The following TRIM36 variants were observed in gnomAD, a reference collection of about 807,000 sequenced individuals.
The protein encoded by TRIM36 is tripartite motif containing 36.
Under a neutral mutation model 72.4 loss-of-function variants are expected in TRIM36, and 42 were observed. The observed-to-expected ratio is 0.58, with a 90% CI of 0.45 to 0.75. The LOEUF is 0.75. Ranked by LOEUF, TRIM36 falls within the 30% of genes least tolerant of loss-of-function variation. The probability of loss-of-function intolerance (pLI) is 0.00; values close to 1 mark genes in which losing one functional copy is unlikely to be tolerated. For missense variants in TRIM36, 913 were observed against 857.1 expected (o/e 1.07, Z -0.81); for synonymous variants, 315 against 282.8 (o/e 1.11, Z -1.14).
In TRIM36 at chr5:115,165,708, G is replaced by T. The variant is rs538548315; in HGVS notation, c.28-1956C>A. 3.3e-5 allele frequency among the ~76,000 whole-genome samples: 5 copies of T among 152,134 alleles called. No homozygotes were observed. The South Asian group carries it at 1.0e-3, about 32-fold the overall frequency. ...ACAGGCAGGAGCCCTTCTCCCTTCC[G>T]AGTTGGTGCGGAGGGAGCCCCATGC... On this transcript the variant is annotated intron_variant, in intron 1 of 9. Coordinates refer to ENST00000513154, the MANE Select transcript of TRIM36 (RefSeq NM_001300759.2).
intron 2 of TRIM36, among the ~76,000 whole-genome samples, chr5:115,159,246 C>T (rs988995403): frequency 6.6e-6 from 1 of 152,028 alleles, no homozygotes; most frequent in African/African-American, 2.4e-5. Flanking sequence ...TAATCAATAC[C>T]TTTAATCAAA....
In TRIM36 at chr5:115,177,355, A is replaced by G. The variant is rs140283127; in HGVS notation, c.63+2620T>C. ...GGGAAAAGTGAGAGAAATTAAGAGGATGGTTAACTCAGTGGTCTCAACTTT... is the reference window on the plus strand; with the variant it reads ...GGGAAAAGTGAGAGAAATTAAGAGGGTGGTTAACTCAGTGGTCTCAACTTT... On this transcript the variant is annotated intron_variant, in intron 1 of 9. Coordinates refer to the TRIM36 transcript ENST00000282369. 64 of 207,990 alleles carry G rather than the reference A, an allele frequency of 3.1e-4. 1 individual carries two copies. In the East Asian group the frequency reaches 7.6e-3, roughly 25 times the overall value. 12.9% of individuals were successfully genotyped at this position (207,990 alleles called of 1,614,324 possible). A position where few individuals can be genotyped will look rare whatever the true frequency, so the allele number is the denominator to read the frequency against.
At chr5:115,155,451 A>G (rs1017486754) in intron 2 of TRIM36, among the ~76,000 whole-genome samples, 4 of 152,242 alleles carry the variant, frequency 2.6e-5, no homozygotes, top group Non-Finnish European at 4.4e-5. Flanking sequence ...CAACATATCA[A>G]AAAGATAATC....
In TRIM36 at chr5:115,163,596, C is replaced by G. The variant is rs1196502562; in HGVS notation, c.184G>C (p.Asp62His). Reference protein sequence around the residue: ...LDDSFNDVGSDNSNQSSPRLR... With the variant: ...LDDSFNDVGSHNSNQSSPRLR... The stretch of plus-strand genomic sequence containing the variant: ...CGAGGACTGCTTTGATTGGAGTTGT[C>G]TGATCCCACATCGTTGAATGAATCA... Residue 62 changes from aspartate (D) to histidine (H), a missense_variant, in exon 2 of 10, where the codon GAC (aspartate) becomes CAC (histidine). Transcript: ENST00000513154. The G allele has an allele frequency of 1.2e-6, 2 of 1,614,144 alleles. No individual in the cohort carries two copies. Among genetic ancestry groups the G allele is most frequent in the Non-Finnish European group, 8.5e-7 (1 of 1,180,030 alleles).
Position 115,177,267 on chromosome 5 carries a change from G to T in TRIM36, c.63+2708C>A, listed in dbSNP as rs141694819. On this transcript the variant is annotated intron_variant, in intron 1 of 9. Coordinates refer to the TRIM36 transcript ENST00000282369. The stretch of plus-strand genomic sequence containing the variant: ...GGTATTAAGTTTGTAAAAATGTAAA[G>T]CTATGTATTTTTAATTATGTACAGA... 574 of 155,620 alleles carry T rather than the reference G, an allele frequency of 3.7e-3. 3 individuals carry two copies. The highest frequency in any genetic ancestry group is 0.012 in the African/African-American group (519 of 41,608). 9.6% of individuals were successfully genotyped at this position (155,620 alleles called of 1,614,324 possible).
chr5:115,143,919 G>A (rs546067083), intron 4 of TRIM36, among the ~76,000 whole-genome samples: 40 of 152,164 alleles, frequency 2.6e-4, no homozygotes, highest in South Asian at 6.2e-4. Flanking sequence ...CACCCAGGCT[G>A]GAGTGCAGTG....
At chr5:115,144,834 TC>T (rs1753491676) in intron 3 of TRIM36, 90 bp from the exon 4 acceptor site, 1 of 1,412,204 alleles carries the variant, frequency 7.1e-7, no homozygotes, top group African/African-American at 1.5e-5. Context: ...CCTTATAAAA[TC>T]ACTAAATAAA....
At chr5:115,168,149 G>A (rs549468166) in intron 1 of TRIM36, among the ~76,000 whole-genome samples, 13 of 152,204 alleles carry the variant, frequency 8.5e-5, no homozygotes, top group Admixed American at 5.2e-4. Context: ...ATGAGATTTG[G>A]GTGTGGACAC....
chr5:115,156,346 G>A (rs994045690), intron 2 of TRIM36, among the ~76,000 whole-genome samples: 6 of 151,762 alleles, frequency 4.0e-5, no homozygotes, highest in Middle Eastern at 3.4e-3. Context: ...AAAAGAGCCC[G>A]CATAGCCAAA....
At chr5:115,171,499 G>C (rs560919933), upstream of TRIM36, among the ~76,000 whole-genome samples, 9 of 152,224 alleles carry the variant, frequency 5.9e-5, 1 homozygote, top group Admixed American at 4.6e-4. Flanking sequence ...ATATTTAAAG[G>C]CTCAACCATT....
intron 9 of TRIM36, among the ~76,000 whole-genome samples, chr5:115,128,261 C>A (rs1446292149): frequency 2.0e-5 from 3 of 150,528 alleles, no homozygotes; most frequent in African/African-American, 7.3e-5. Flanking sequence ...CCCAGCTAGT[C>A]GGGAGGCTGA....
At chr5:115,130,165 G>A (rs76416985) in intron 9 of TRIM36, among the ~76,000 whole-genome samples, 5 of 152,248 alleles carry the variant, frequency 3.3e-5, no homozygotes, top group African/African-American at 9.6e-5. Flanking sequence ...TCTTTGCTGC[G>A]GAAATATGTC....
At position 115,130,688 on chromosome 5, in the gene TRIM36, C is replaced by T. The variant is rs369438474; in HGVS notation, c.1700G>A (p.Arg567His). Residue 567 changes from arginine (R) to histidine (H), a missense_variant, in exon 9 of 10, where the codon CGT becomes CAT. Physicochemically the swap from Arg to His is conservative, Grantham distance 29. Coordinates refer to ENST00000513154, the MANE Select transcript of TRIM36 (RefSeq NM_001300759.2). Reference sequence around the variant, plus strand: ...TACCAGGTATGAATATGGTTCCACACGGAAGGCCCAGAAGTGTTTTCCTTT... The same window carrying T: ...TACCAGGTATGAATATGGTTCCACATGGAAGGCCCAGAAGTGTTTTCCTTT... Reference protein sequence around the residue: ...ITKGKHFWAFRVEPYSYLVKV... With the variant: ...ITKGKHFWAFHVEPYSYLVKV... The T allele has an allele frequency of 2.2e-5, 35 of 1,614,052 alleles. No individual in the cohort carries two copies. The highest frequency in any genetic ancestry group is 2.5e-5 in the Non-Finnish European group (29 of 1,180,036).
At position 115,126,168 on chromosome 5, in the gene TRIM36, T is replaced by C. The variant is rs772042697; in HGVS notation, c.*335A>G. The C allele has an allele frequency of 1.3e-4, 29 of 218,444 alleles. No homozygotes were observed. Among genetic ancestry groups the C allele is most frequent in the Non-Finnish European group, 1.5e-4 (17 of 109,920 alleles). 13.5% of individuals were successfully genotyped at this position (218,444 alleles called of 1,614,324 possible). A position where few individuals can be genotyped will look rare whatever the true frequency, so the allele number is the denominator to read the frequency against. On this transcript the variant is annotated 3_prime_UTR_variant, in exon 10 of 10. Transcript: ENST00000513154. ...AACAGAAGAGAATCATAATAAATACTTTTGTATCCCCCCCACCATAAGGAA... is the reference window on the plus strand; with the variant it reads ...AACAGAAGAGAATCATAATAAATACCTTTGTATCCCCCCCACCATAAGGAA...
chr5:115,169,952 G>T, upstream of TRIM36: 5 of 1,222,458 alleles, frequency 4.1e-6, no homozygotes, highest in Non-Finnish European at 5.1e-6. Context: ...GGGCACCGCG[G>T]GGCGTGGACA....
chr5:115,175,256 A>G lies in TRIM36; in HGVS notation c.63+4719T>C, dbSNP rs140502188. 4.1e-3 allele frequency among the ~76,000 whole-genome samples: 623 copies of G among 152,290 alleles called. 2 individuals carry two copies. Among genetic ancestry groups the G allele is most frequent in the African/African-American group, 0.014 (597 of 41,558 alleles). ...TTCTTAATGATCACAATGTGGATAT[A>G]AGGTGTCTCAAGGCCCAACCCTGTT... On this transcript the variant is annotated intron_variant, in intron 1 of 9. Coordinates refer to the TRIM36 transcript ENST00000282369.
upstream of TRIM36, among the ~76,000 whole-genome samples, chr5:115,173,459 G>A (rs1479100573): frequency 1.3e-5 from 2 of 152,162 alleles, no homozygotes; most frequent in East Asian, 1.9e-4. Context: ...TACAGTCCTG[G>A]ACCACAGGCA....
rs140845945 is a variant in TRIM36, at chr5:115,147,369, C to A, written c.288G>T (p.Pro96=). The change falls in exon 3 of 10, where the codon CCG becomes CCT. Residue 96 remains proline (P), a synonymous_variant. Transcript: ENST00000513154. ...RPGWKRNSLT[P]RTTVFPCPGC... ...CAGGGCAAGGGAAAACAGTTGTCCT[C>A]GGGGTCAATGAATTGCGCTTCCAGC... The A allele has an allele frequency of 3.1e-6, 5 of 1,612,498 alleles. No homozygotes were observed. Among genetic ancestry groups the A allele is most frequent in the Non-Finnish European group, 3.4e-6 (4 of 1,178,540 alleles).
In TRIM36 at chr5:115,144,287, T is replaced by C. The variant is rs76281821; in HGVS notation, c.735+311A>G. On this transcript the variant is annotated intron_variant, in intron 4 of 9. Coordinates refer to ENST00000513154, the MANE Select transcript of TRIM36 (RefSeq NM_001300759.2). ...AACCCTTTAAAGTATGTCAATCCTA[T>C]GTATACATCCATTATCATAGACATT... Among the ~76,000 whole-genome samples, 101 of 152,296 alleles carry C rather than the reference T, an allele frequency of 6.6e-4. No individual in the cohort carries two copies. The East Asian group carries it at 0.019, about 29-fold the overall frequency.
Sources: gnomAD v4.1 joint callset for allele counts (sites outside exome capture counted in the v4.1 genomes callset) on GRCh38, gnomAD v4.1.1 for gene constraint, MANE v1.5 for transcripts, NCBI Gene and HGNC (gene_info 2026-07-23, HGNC 2026-07-21) for gene names.